DIAPH3: variants seen among roughly 807,000 people sequenced by gnomAD.
DIAPH3 encodes the protein protein diaphanous homolog 3.
In DIAPH3, 117 loss-of-function variants were observed where a neutral mutation model predicts 144.3. That is an observed-to-expected ratio of 0.81 (90% CI 0.70 to 0.95). The LOEUF (loss-of-function observed/expected upper bound fraction) is 0.95, where lower values mean the gene tolerates loss of function less well. Among genes scored for constraint, DIAPH3 ranks in the 40% least tolerant of loss-of-function variants. The probability of loss-of-function intolerance (pLI) is 0.00; values close to 1 mark genes in which losing one functional copy is unlikely to be tolerated. For synonymous variants in DIAPH3, 519 were observed against 488.9 expected (o/e 1.06, Z -0.81); for missense variants, 1,421 against 1,412.7 (o/e 1.01, Z -0.09).
At position 60,163,744 on chromosome 13, in the gene DIAPH3, A is replaced by T. The variant is rs1952415950; in HGVS notation, c.23T>A (p.Leu8Gln). 1.9e-6 allele frequency: 3 copies of T among 1,600,294 alleles called. No homozygotes were observed. The change falls in exon 1 of 28, where the codon CTG becomes CAG. Residue 8 changes from leucine (L) to glutamine (Q), a missense_variant. Transcript: ENST00000400324. Reference sequence around the variant, plus strand: ...GGCTGAGCCTTGGGCCGGGTGGTGCAGCCGCGGCTGGTGCCGTTCCATCTT... The same window carrying T: ...GGCTGAGCCTTGGGCCGGGTGGTGCTGCCGCGGCTGGTGCCGTTCCATCTT... The part of the protein sequence containing the change: MERHQPR[L>Q]HHPAQGSAAG...
chr13:59,841,799 A>T (rs2042362592), intron 22 of DIAPH3, among the ~76,000 whole-genome samples: 1 of 152,184 alleles, frequency 6.6e-6, no homozygotes, highest in Admixed American at 6.5e-5. Context: ...TACCGTCTTA[A>T]GTGTTTTCTA....
intron 4 of DIAPH3, among the ~76,000 whole-genome samples, chr13:60,074,972 T>A (rs1037082795): frequency 2.0e-5 from 3 of 152,214 alleles, no homozygotes; most frequent in Non-Finnish European, 4.4e-5. Context: ...ATGTTCAAGC[T>A]ATTCTTATAA....
At chr13:59,868,060 ACTTTC>A (rs1173759670) in intron 21 of DIAPH3, among the ~76,000 whole-genome samples, 1 of 152,086 alleles carries the variant, frequency 6.6e-6, no homozygotes, top group Non-Finnish European at 1.5e-5. Context: ...TGAGACTGGC[ACTTTC>A]ATAGTGCCAG....
rs2037208663 is a variant in DIAPH3 at position 59,755,457 on chromosome 13, G to A, written c.3319+18732C>T. Among the ~76,000 whole-genome samples the A allele has an allele frequency of 2.0e-5, 3 of 152,042 alleles. No homozygotes were observed. The South Asian group carries it at 6.2e-4, about 32-fold the overall frequency. On this transcript the variant is annotated intron_variant, in intron 27 of 27. Coordinates refer to ENST00000400324, the MANE Select transcript of DIAPH3 (RefSeq NM_001042517.2). ...AATTTAAAATGACCTTGATAGATTA[G>A]AGAAACGGTTCATCAAAAACAGGAT...
In DIAPH3 at chr13:59,947,742, A is replaced by C. The variant is rs549959589; in HGVS notation, c.2074+22202T>G. Among the ~76,000 whole-genome samples, 184 of 152,096 alleles carry C rather than the reference A, an allele frequency of 1.2e-3. 1 individual carries two copies. Among genetic ancestry groups the C allele is most frequent in the African/African-American group, 4.0e-3 (166 of 41,522 alleles). On this transcript the variant is annotated intron_variant, in intron 17 of 27. Transcript: ENST00000400324. The stretch of plus-strand genomic sequence containing the variant: ...AGCAAGACTCTGTATTTAAAAAAAA[A>C]AAACAAACAAACCACAATCGTTTTG...
At chr13:59,895,775 A>C (rs1459133327) in intron 20 of DIAPH3, among the ~76,000 whole-genome samples, 1 of 152,210 alleles carries the variant, frequency 6.6e-6, no homozygotes, top group Non-Finnish European at 1.5e-5. Flanking sequence ...AGGCCTACTC[A>C]AGAGAAGTCA....
At chr13:59,942,187 G>A (rs965607709) in intron 17 of DIAPH3, among the ~76,000 whole-genome samples, 2 of 152,070 alleles carry the variant, frequency 1.3e-5, no homozygotes, top group African/African-American at 4.8e-5. Context: ...TTGATCACAG[G>A]CACCATTTGG....
intron 17 of DIAPH3, among the ~76,000 whole-genome samples, chr13:59,967,843 C>T (rs1007360847): frequency 2.0e-5 from 3 of 152,056 alleles, no homozygotes; most frequent in Admixed American, 2.0e-4. Flanking sequence ...TAGCAGGGCT[C>T]GGAGTCACAA....
intron 4 of DIAPH3, among the ~76,000 whole-genome samples, chr13:60,044,513 A>G (rs1025774882): frequency 2.0e-5 from 3 of 152,172 alleles, no homozygotes; most frequent in African/African-American, 7.2e-5. Context: ...TTCAAAGAAC[A>G]TATTCAACTT....
Position 59,941,854 on chromosome 13 carries a change from CA to C in DIAPH3, c.2075-16985del, listed in dbSNP as rs11420557. Among the ~76,000 whole-genome samples, 262 of 151,754 alleles carry C rather than the reference CA, an allele frequency of 1.7e-3. 2 individuals are homozygous for C. The highest frequency in any genetic ancestry group is 6.0e-3 in the African/African-American group (249 of 41,382). On this transcript the variant is annotated intron_variant, in intron 17 of 27. Transcript: ENST00000400324. ...AGAATAAGGCAGCAAAGAAGGATGGCAAAAAAAATCTATTTCTTCCCAATAT... is the reference window on the plus strand; with the variant it reads ...AGAATAAGGCAGCAAAGAAGGATGGCAAAAAAATCTATTTCTTCCCAATAT...
chr13:59,708,324 C>G (rs2034543481), intron 27 of DIAPH3, among the ~76,000 whole-genome samples: 1 of 152,148 alleles, frequency 6.6e-6, no homozygotes, highest in African/African-American at 2.4e-5. Flanking sequence ...TTATAGCAAA[C>G]TCCCTTGAAA....
At chr13:59,980,886 T>A in intron 13 of DIAPH3, 27 bp from the exon 14 acceptor site, 7 of 1,592,714 alleles carry the variant, frequency 4.4e-6, no homozygotes, top group Non-Finnish European at 6.0e-6. Context: ...AGGAAATTTT[T>A]AATGTGAAAC....
At chr13:59,887,869 A>G (rs577490692) in intron 20 of DIAPH3, among the ~76,000 whole-genome samples, 1 of 152,066 alleles carries the variant, frequency 6.6e-6, no homozygotes, top group South Asian at 2.1e-4. Context: ...TTGCTTCATA[A>G]ATTTTGATGC....
At chr13:59,842,828 G>A (rs906504488) in intron 22 of DIAPH3, among the ~76,000 whole-genome samples, 2 of 152,126 alleles carry the variant, frequency 1.3e-5, no homozygotes, top group African/African-American at 4.8e-5. Context: ...GACAAGGAAT[G>A]GTGGGACGGG....
intron 25 of DIAPH3, among the ~76,000 whole-genome samples, chr13:59,796,608 G>A (rs1364638009): frequency 6.6e-6 from 1 of 152,290 alleles, no homozygotes; most frequent in South Asian, 2.1e-4. Flanking sequence ...ACACACATAT[G>A]TGCATACAGA....
chr13:60,038,074 G>C (rs371670066), intron 5 of DIAPH3, among the ~76,000 whole-genome samples: 1 of 151,672 alleles, frequency 6.6e-6, no homozygotes, highest in Non-Finnish European at 1.5e-5. Flanking sequence ...AGAAAGGAAT[G>C]ATAAACCCAA....
At chr13:59,859,727 G>A (rs1894076220) in intron 22 of DIAPH3, among the ~76,000 whole-genome samples, 1 of 151,964 alleles carries the variant, frequency 6.6e-6, no homozygotes, top group Non-Finnish European at 1.5e-5. Context: ...TCTCTCTTTA[G>A]GAGAGTTGAT....
intron 27 of DIAPH3, among the ~76,000 whole-genome samples, chr13:59,744,135 T>A (rs897304122): frequency 1.3e-5 from 2 of 152,210 alleles, no homozygotes; most frequent in Admixed American, 6.5e-5. Flanking sequence ...ATTTTCTGCA[T>A]GTATATAACT....
intron 4 of DIAPH3, among the ~76,000 whole-genome samples, chr13:60,046,176 C>T (rs2056053541): frequency 6.6e-6 from 1 of 152,158 alleles, no homozygotes. Flanking sequence ...ACTGAATCCA[C>T]ATTTTATAAA....
Sources: gnomAD v4.1 joint callset for allele counts (sites outside exome capture counted in the v4.1 genomes callset) on GRCh38, gnomAD v4.1.1 for gene constraint, MANE v1.5 for transcripts, NCBI Gene and HGNC (gene_info 2026-07-23, HGNC 2026-07-21) for gene names.